The following KYNU variants were observed in gnomAD, a reference collection of about 807,000 sequenced individuals.
KYNU encodes kynureninase.
A neutral mutation model predicts 59.2 loss-of-function variants in KYNU; 54 were observed. The ratio of observed to expected loss-of-function variants is 0.91; its 90% CI spans 0.73 to 1.14. The LOEUF is 1.14. Among genes scored for constraint, KYNU ranks in the 50% most tolerant of loss-of-function variants. KYNU has a pLI of 0.00. For missense variants in KYNU, 567 were observed against 554.4 expected (o/e 1.02, Z -0.23); for synonymous variants, 177 against 192.0 (o/e 0.92, Z 0.65).
At chr2:143,002,507 G>C (rs931480905) in intron 10 of KYNU, among the ~76,000 whole-genome samples, 1 of 152,138 alleles carries the variant, frequency 6.6e-6, no homozygotes, top group Non-Finnish European at 1.5e-5. Context: ...TGATGTTTCT[G>C]TCAGATATAC....
chr2:142,925,333 C>T (rs1039511949), intron 3 of KYNU, among the ~76,000 whole-genome samples: 1 of 152,156 alleles, frequency 6.6e-6, no homozygotes, highest in Non-Finnish European at 1.5e-5. Flanking sequence ...ATCCTTAGTT[C>T]TTAGCAGCCT....
intron 3 of KYNU, among the ~76,000 whole-genome samples, chr2:142,925,336 A>G (rs1203743296): frequency 6.6e-6 from 1 of 152,228 alleles, no homozygotes; most frequent in African/African-American, 2.4e-5. Context: ...CTTAGTTCTT[A>G]GCAGCCTATG....
chr2:142,897,254 G>C (rs1420010174), intron 2 of KYNU, among the ~76,000 whole-genome samples: 6 of 152,096 alleles, frequency 3.9e-5, no homozygotes, highest in Middle Eastern at 3.2e-3. Context: ...CATTCATTTG[G>C]TTCCTGGCGT....
intron 10 of KYNU, chr2:142,990,132 C>T (rs1466217635): frequency 1.3e-5 from 2 of 151,746 alleles, no homozygotes; most frequent in Non-Finnish European, 2.9e-5. Context: ...ATTAACTTAG[C>T]TCATTGCAAT....
chr2:142,943,096 T>C (rs1472790653), intron 4 of KYNU, among the ~76,000 whole-genome samples: 4 of 152,196 alleles, frequency 2.6e-5, no homozygotes, highest in African/African-American at 4.8e-5. Flanking sequence ...TTTGGGAGAC[T>C]GTCTTTCCCT....
chr2:143,018,539 G>C (rs1686323178), intron 10 of KYNU, among the ~76,000 whole-genome samples: 2 of 152,042 alleles, frequency 1.3e-5, no homozygotes, highest in African/African-American at 2.4e-5. Flanking sequence ...GATTACTGTA[G>C]CCTTAGAGTA....
At chr2:143,002,925 T>TG (rs974838723) in intron 10 of KYNU, among the ~76,000 whole-genome samples, 6 of 152,198 alleles carry the variant, frequency 3.9e-5, no homozygotes, top group African/African-American at 1.2e-4. Context: ...AAACATAAAA[T>TG]AATAGTCAAT....
At chr2:142,914,691 G>A (rs928242854) in intron 2 of KYNU, among the ~76,000 whole-genome samples, 2 of 152,238 alleles carry the variant, frequency 1.3e-5, no homozygotes, top group South Asian at 4.2e-4. Flanking sequence ...AGTAATCTGT[G>A]ATCAGTTCTC....
Position 143,029,647 on chromosome 2 carries a change from A to G in KYNU, c.923A>G (p.His308Arg). 6.2e-7 allele frequency: 1 copy of G among 1,600,548 alleles called. No individual in the cohort carries two copies. The highest frequency in any genetic ancestry group is 8.6e-7 in the Non-Finnish European group (1 of 1,167,600). ...TTTAGATTAGTGGGATGGTTTGGCC[A>G]TGAACTCAGCACCAGATTTAAGATG... ...IKPALVGWFG[H>R]ELSTRFKMDN... The change falls in exon 11 of 14, where the codon CAT (histidine) becomes CGT (arginine). Residue 308 changes from histidine (H) to arginine (R), a missense_variant. Transcript: ENST00000264170.
At chr2:142,962,616 T>TA (rs1366715027) in intron 8 of KYNU, among the ~76,000 whole-genome samples, 1 of 152,160 alleles carries the variant, frequency 6.6e-6, no homozygotes, top group Non-Finnish European at 1.5e-5. Context: ...TTCTTTAACT[T>TA]AAAAAATATA....
chr2:143,017,218 G>T (rs553801572), intron 10 of KYNU, among the ~76,000 whole-genome samples: 65 of 152,110 alleles, frequency 4.3e-4, no homozygotes, highest in African/African-American at 1.5e-3. Context: ...ATACAAGTGC[G>T]TGTGTCTTTT....
intron 8 of KYNU, among the ~76,000 whole-genome samples, chr2:142,978,889 A>T (rs1170090682): frequency 6.7e-6 from 1 of 150,366 alleles, no homozygotes; most frequent in Non-Finnish European, 1.5e-5. Flanking sequence ...AATAAACTAA[A>T]TAATAACAAT....
intron 11 of KYNU, among the ~76,000 whole-genome samples, chr2:143,030,289 A>G (rs529016231): frequency 2.7e-4 from 41 of 152,088 alleles, no homozygotes; most frequent in Non-Finnish European, 5.7e-4. Flanking sequence ...TCCTGTGAGC[A>G]GTTAACCCCA....
intron 10 of KYNU, among the ~76,000 whole-genome samples, chr2:143,012,900 AT>A (rs1360298720): frequency 1.3e-5 from 2 of 152,044 alleles, no homozygotes; most frequent in African/African-American, 4.8e-5. Flanking sequence ...TTTGTTCTCT[AT>A]CTCTGTATAT....
intron 10 of KYNU, among the ~76,000 whole-genome samples, chr2:142,993,742 AAAT>A (rs1685466273): frequency 1.3e-5 from 2 of 152,046 alleles, no homozygotes; most frequent in South Asian, 4.1e-4. Context: ...TAAATTCAGT[AAAT>A]AATCTGTATT....
chr2:142,955,407 T>C (rs1425024270), intron 5 of KYNU, among the ~76,000 whole-genome samples: 1 of 152,080 alleles, frequency 6.6e-6, no homozygotes, highest in Non-Finnish European at 1.5e-5. Flanking sequence ...ATTAGGGATA[T>C]TGTGTTAATG....
chr2:142,910,537 G>A (rs1172604660), intron 2 of KYNU, among the ~76,000 whole-genome samples: 1 of 152,064 alleles, frequency 6.6e-6, no homozygotes, highest in African/African-American at 2.4e-5. Context: ...TATTTACTCT[G>A]CTGATAGTTT....
intron 1 of KYNU, among the ~76,000 whole-genome samples, chr2:142,884,904 C>T (rs1681447011): frequency 6.7e-6 from 1 of 148,692 alleles, no homozygotes; most frequent in Non-Finnish European, 1.5e-5. Flanking sequence ...ACTTAACCAA[C>T]CAGCATTAAA....
chr2:142,935,526 G>T (rs1037408441), intron 4 of KYNU, among the ~76,000 whole-genome samples: 8 of 152,178 alleles, frequency 5.3e-5, no homozygotes, highest in African/African-American at 9.7e-5. Flanking sequence ...TGGGGTGAGG[G>T]TGGAAGAGAA....
Sources: allele counts gnomAD v4.1 joint callset (sites outside exome capture counted in the v4.1 genomes callset), GRCh38; gene constraint gnomAD v4.1.1; transcripts MANE v1.5; gene names NCBI Gene and HGNC (gene_info 2026-07-23, HGNC 2026-07-21).